The following LRCH3 variants were observed in gnomAD, a reference collection of about 807,000 sequenced individuals.
LRCH3 encodes the protein DISP complex protein LRCH3.
A neutral mutation model predicts 104.5 loss-of-function variants in LRCH3; 68 were observed. The ratio of observed to expected loss-of-function variants is 0.65; its 90% CI spans 0.54 to 0.80. The LOEUF (loss-of-function observed/expected upper bound fraction) is 0.80, where lower values mean the gene tolerates loss of function less well. LRCH3 is among the 30% of genes least tolerant of loss of function. The pLI, the probability that LRCH3 is intolerant of heterozygous loss-of-function variation, is 0.00. For synonymous variants in LRCH3, 344 were observed against 361.3 expected, an observed-to-expected ratio of 0.95 and a Z score of 0.54; for missense variants, 951 against 953.9, an observed-to-expected ratio of 1.00 and a Z score of 0.04.
chr3:197,791,445 C>T lies in LRCH3; in HGVS notation c.167C>T (p.Ala56Val). 1 of 1,597,068 alleles carries T rather than the reference C, an allele frequency of 6.3e-7. No individual in the cohort carries two copies. Among genetic ancestry groups the T allele is most frequent in the African/African-American group, 1.3e-5 (1 of 74,322 alleles). ...SRSLDRALEEAAVTGVLSLSG... is the reference protein window; with the variant it reads ...SRSLDRALEEVAVTGVLSLSG... ...TCTCTCGATCGAGCCCTGGAGGAGG[C>T]GGCGGTCACTGGGGTGCTGAGCCTG... Residue 56 changes from alanine to valine, a missense_variant, in exon 1 of 21, where the codon GCG (alanine) becomes GTG (valine). Physicochemically the swap from Ala to Val is moderately conservative, Grantham distance 64. Coordinates refer to ENST00000425562, the MANE Select transcript of LRCH3 (RefSeq NM_001365715.1).
In LRCH3 at chr3:197,832,286, C is replaced by A; in HGVS notation, c.1071C>A (p.Asn357Lys). ...GAAGAGAAAGCCAGTACCAAGAGAA[C>A]CGCGGCAGTTTGGTAGTAACAAACG... ...RLRRESQYQENRGSLVVTNGG... is the reference protein window; with the variant it reads ...RLRRESQYQEKRGSLVVTNGG... Residue 357 changes from asparagine to lysine, a missense_variant, in exon 8 of 21, where the codon AAC becomes AAA. Coordinates refer to ENST00000425562, the MANE Select transcript of LRCH3 (RefSeq NM_001365715.1). The A allele has an allele frequency of 1.2e-6, 2 of 1,613,828 alleles. No individual in the cohort carries two copies. Among genetic ancestry groups the A allele is most frequent in the African/African-American group, 1.3e-5 (1 of 75,040 alleles).
In LRCH3 at chr3:197,825,992, A is replaced by C. The variant is rs1580671380; in HGVS notation, c.641-886A>C. ...AACTAAAGATAGTCTAGCTTTTCAA[A>C]ATTTTCTTCTGCTTTCTATAAAATA... On this transcript the variant is annotated intron_variant, in intron 4 of 20. Coordinates refer to ENST00000425562, the MANE Select transcript of LRCH3 (RefSeq NM_001365715.1). Among the ~76,000 whole-genome samples, 6 of 152,144 alleles carry C rather than the reference A, an allele frequency of 3.9e-5. 2 individuals are homozygous for C. In the Middle Eastern group the frequency reaches 0.02, roughly 517 times the overall value.
intron 12 of LRCH3, chr3:197,851,072 G>A (rs1408809789): frequency 6.3e-6 from 4 of 633,602 alleles, no homozygotes; most frequent in African/African-American, 5.5e-5. Flanking sequence ...GGAAGTGGCA[G>A]GATTAAAATC....
intron 15 of LRCH3, among the ~76,000 whole-genome samples, chr3:197,860,841 T>C (rs57835236): frequency 0.026 from 3,980 of 152,216 alleles, 170 homozygotes; most frequent in African/African-American, 0.089. Context: ...CTGGATCTTA[T>C]TCTTTTTATT....
intron 3 of LRCH3, among the ~76,000 whole-genome samples, chr3:197,818,802 AG>A (rs1734146018): frequency 6.6e-6 from 1 of 152,198 alleles, no homozygotes; most frequent in Non-Finnish European, 1.5e-5. Context: ...TGATATCCTC[AG>A]TCATATAAGG....
chr3:197,806,748 C>A (rs1033582217), intron 1 of LRCH3, among the ~76,000 whole-genome samples: 1 of 150,146 alleles, frequency 6.7e-6, no homozygotes, highest in South Asian at 2.1e-4. Flanking sequence ...TGTGGAGTTT[C>A]ACCATGTTGT....
intron 1 of LRCH3, among the ~76,000 whole-genome samples, chr3:197,791,955 CA>C (rs1482380378): frequency 2.6e-5 from 4 of 152,090 alleles, no homozygotes; most frequent in Non-Finnish European, 5.9e-5. Context: ...GGACGAGCTG[CA>C]TTGTCAGGAA....
intron 20 of LRCH3, chr3:197,882,175 A>T (rs1713828411): frequency 2.0e-6 from 2 of 985,352 alleles, no homozygotes; most frequent in African/African-American, 1.7e-5. Context: ...CCCAGAAAGC[A>T]CAGGCTTCTG....
chr3:197,833,178 C>T (rs1227561289), intron 8 of LRCH3, among the ~76,000 whole-genome samples: 5 of 151,840 alleles, frequency 3.3e-5, no homozygotes, highest in South Asian at 2.1e-4. Flanking sequence ...AGATCTGTGC[C>T]GGTATGATAG....
Position 197,854,443 on chromosome 3 carries a change from A to C in LRCH3, c.1642A>C (p.Met548Leu). The change falls in exon 14 of 21, where the codon ATG (methionine) becomes CTG (leucine). Residue 548 changes from methionine to leucine, a missense_variant and splice_region_variant. Physicochemically the swap from Met to Leu is conservative, Grantham distance 15. Coordinates refer to ENST00000425562, the MANE Select transcript of LRCH3 (RefSeq NM_001365715.1). This position sits in a 1 kb window ranked among gnomAD's most constrained non-coding sequence, Gnocchi z 4.5. ...SQHTDDSALCMSLSGLNQVGC... is the reference protein window; with the variant it reads ...SQHTDDSALCLSLSGLNQVGC... ...GCACACTGATGATAGTGCCTTGTGC[A>C]TGGTAAGAGTTTTGCACAAAACGGA... 6.2e-7 allele frequency: 1 copy of C among 1,614,048 alleles called. No individual in the cohort carries two copies. The highest frequency in any genetic ancestry group is 8.5e-7 in the Non-Finnish European group (1 of 1,179,898).
chr3:197,880,172 C>G (rs1408652144), intron 20 of LRCH3, among the ~76,000 whole-genome samples: 1 of 152,030 alleles, frequency 6.6e-6, no homozygotes, highest in South Asian at 2.1e-4. Flanking sequence ...GTCTCGATCT[C>G]CTGACCTCGT....
chr3:197,875,158 C>T (rs544078728), intron 19 of LRCH3, among the ~76,000 whole-genome samples: 3 of 152,014 alleles, frequency 2.0e-5, no homozygotes, highest in East Asian at 1.9e-4. Context: ...CTCGAACTCC[C>T]GACCTGAGGT....
chr3:197,815,033 C>G lies in LRCH3; in HGVS notation c.388C>G (p.Leu130Val). ...IPEAILNLQALTFLNISRNQL... is the reference protein window; with the variant it reads ...IPEAILNLQAVTFLNISRNQL... ...AGAGGCAATTTTAAACCTACAAGCT[C>G]TAACATTCTTAAATATTAGGTAAGA... Residue 130 changes from leucine (L) to valine (V), a missense_variant, in exon 2 of 21, where the codon CTA becomes GTA. Coordinates refer to ENST00000425562, the MANE Select transcript of LRCH3 (RefSeq NM_001365715.1). 1 of 1,513,048 alleles carries G rather than the reference C, an allele frequency of 6.6e-7. No homozygotes were observed. Among genetic ancestry groups the G allele is most frequent in the Non-Finnish European group, 9.0e-7 (1 of 1,112,152 alleles). 93.7% of individuals were successfully genotyped at this position (1,513,048 alleles called of 1,614,324 possible). A position where few individuals can be genotyped will look rare whatever the true frequency, so the allele number is the denominator to read the frequency against.
intron 14 of LRCH3, among the ~76,000 whole-genome samples, chr3:197,857,837 T>C (rs1740457087): frequency 6.6e-6 from 1 of 152,256 alleles, no homozygotes; most frequent in East Asian, 1.9e-4. Flanking sequence ...GTGATACATA[T>C]AATACATTGT....
At position 197,885,761 on chromosome 3, in the gene LRCH3, T is replaced by G. The variant is rs963965452; in HGVS notation, c.*2095T>G. On this transcript the variant is annotated 3_prime_UTR_variant, in exon 21 of 21. Transcript: ENST00000425562. The stretch of plus-strand genomic sequence containing the variant: ...TCCTTCCCCTGCATTTTGAACTCCT[T>G]TTAGTTGTTGGTGATATCCTTTGGT... 6 of 152,206 alleles carry G rather than the reference T, an allele frequency of 3.9e-5. No individual in the cohort carries two copies. Among genetic ancestry groups the G allele is most frequent in the African/African-American group, 1.4e-4 (6 of 41,432 alleles). 9.4% of individuals were successfully genotyped at this position (152,206 alleles called of 1,614,324 possible).
intron 1 of LRCH3, among the ~76,000 whole-genome samples, chr3:197,802,257 AG>A (rs1311755734): frequency 6.6e-6 from 1 of 152,220 alleles, no homozygotes; most frequent in African/African-American, 2.4e-5. Flanking sequence ...CTGTATTCAC[AG>A]TTCCAGGAAT....
chr3:197,797,327 C>CAAAAAAAAAAAAA (rs3085302), intron 1 of LRCH3, among the ~76,000 whole-genome samples: 1 of 71,538 alleles, frequency 1.4e-5, no homozygotes, highest in Non-Finnish European at 2.4e-5. Context: ...AACTCCATCT[C>CAAAAAAAAAAAAA]AAAAAAAAAA....
intron 11 of LRCH3, 81 bp downstream of exon 11, chr3:197,847,541 A>C: frequency 8.2e-7 from 1 of 1,214,832 alleles, no homozygotes; most frequent in Non-Finnish European, 1.2e-6. Context: ...AATTGCCATT[A>C]ATTGCCAGGT....
intron 14 of LRCH3, 162 bp from the exon 15 acceptor site, chr3:197,858,672 C>T: frequency 3.1e-6 from 2 of 644,472 alleles, no homozygotes; most frequent in Non-Finnish European, 5.6e-6. Context: ...GGGTTTTTGT[C>T]CCCCAAATAT....
Sources: allele counts gnomAD v4.1 joint callset (sites outside exome capture counted in the v4.1 genomes callset), GRCh38; gene constraint gnomAD v4.1.1; non-coding constraint Gnocchi (gnomAD v3.1); transcripts MANE v1.5; gene names NCBI Gene and HGNC (gene_info 2026-07-23, HGNC 2026-07-21).